The following CAMK1D variants were observed in gnomAD, a reference collection of about 807,000 sequenced individuals.
CAMK1D encodes the protein calcium/calmodulin-dependent protein kinase type 1D.
In CAMK1D, 9 loss-of-function variants were observed where a neutral mutation model predicts 47.7. The observed-to-expected ratio is 0.19, with a 90% CI of 0.11 to 0.33. The LOEUF (loss-of-function observed/expected upper bound fraction) is 0.33, where lower values mean the gene tolerates loss of function less well. CAMK1D is among the 10% of genes least tolerant of loss of function. The pLI is 1.00. For synonymous variants in CAMK1D, 184 were observed against 184.9 expected, an observed-to-expected ratio of 0.99 and a Z score of 0.04; for missense variants, 291 against 488.7, an observed-to-expected ratio of 0.60 and a Z score of 3.81.
intron 2 of CAMK1D, among the ~76,000 whole-genome samples, chr10:12,652,395 C>G (rs1239213293): frequency 1.4e-5 from 2 of 141,208 alleles, no homozygotes; most frequent in Non-Finnish European, 3.0e-5. Context: ...TCCTGGCTAA[C>G]ACGGTGAAAC....
chr10:12,427,716 T>TTGTTTTTTTTTTG (rs1840296615), intron 1 of CAMK1D, among the ~76,000 whole-genome samples: 1 of 119,506 alleles, frequency 8.4e-6, no homozygotes, highest in African/African-American at 3.1e-5. Flanking sequence ...TTTTTTTTTT[T>TTGTTTTTTTTTTG]TTTTTTTTTG....
chr10:12,581,897 G>C (rs571361682), intron 2 of CAMK1D, among the ~76,000 whole-genome samples: 16 of 152,230 alleles, frequency 1.1e-4, no homozygotes, highest in Non-Finnish European at 1.9e-4. Context: ...GTTTAATCAA[G>C]TCCCATCTAT....
At position 12,711,552 on chromosome 10, in the gene CAMK1D, T is replaced by G. The variant is rs114811607; in HGVS notation, c.299+44742T>G. On this transcript the variant is annotated intron_variant, in intron 3 of 10. Transcript: ENST00000619168. ...AGAGTATGGAGATCCTAAAATCATCTGCCAGGGTATTTGCTGCTTCTTGGT... is the reference window on the plus strand; with the variant it reads ...AGAGTATGGAGATCCTAAAATCATCGGCCAGGGTATTTGCTGCTTCTTGGT... Among the ~76,000 whole-genome samples, 579 of 152,336 alleles carry G rather than the reference T, an allele frequency of 3.8e-3. 5 individuals are homozygous for G. Among genetic ancestry groups the G allele is most frequent in the African/African-American group, 0.013 (521 of 41,584 alleles).
At chr10:12,611,750 C>A (rs1456770602) in intron 2 of CAMK1D, among the ~76,000 whole-genome samples, 4 of 151,914 alleles carry the variant, frequency 2.6e-5, no homozygotes, top group Non-Finnish European at 5.9e-5. Context: ...TGCCACCACG[C>A]CCAGCTAATT....
At chr10:12,782,285 A>T (rs1333141320) in intron 5 of CAMK1D, among the ~76,000 whole-genome samples, 1 of 151,894 alleles carries the variant, frequency 6.6e-6, no homozygotes, top group East Asian at 1.9e-4. Context: ...CATTGTCTTA[A>T]TTTTTTCTTT....
intron 2 of CAMK1D, among the ~76,000 whole-genome samples, chr10:12,625,030 T>G (rs2132451048): frequency 1.3e-5 from 2 of 151,940 alleles, no homozygotes; most frequent in Middle Eastern, 6.8e-3. Flanking sequence ...TCCTTTCTTC[T>G]TCTTCTTTCG....
chr10:12,360,234 G>T (rs1224650943), intron 1 of CAMK1D, among the ~76,000 whole-genome samples: 13 of 152,302 alleles, frequency 8.5e-5, no homozygotes, highest in Admixed American at 8.5e-4. Context: ...TGCTGTAAAT[G>T]GAATCCTAAA....
intron 1 of CAMK1D, among the ~76,000 whole-genome samples, chr10:12,457,506 G>A (rs374728838): frequency 2.0e-5 from 3 of 152,110 alleles, no homozygotes; most frequent in Admixed American, 6.5e-5. Context: ...AAAGCTGGGC[G>A]GCCGGGCGCA....
intron 3 of CAMK1D, among the ~76,000 whole-genome samples, chr10:12,721,383 C>T (rs1045345155): frequency 1.3e-5 from 2 of 152,176 alleles, no homozygotes; most frequent in Non-Finnish European, 2.9e-5. Flanking sequence ...GATTTAATCA[C>T]AGGAAATGTA....
At chr10:12,807,871 A>T (rs906094000) in intron 6 of CAMK1D, among the ~76,000 whole-genome samples, 1 of 152,070 alleles carries the variant, frequency 6.6e-6, no homozygotes, top group African/African-American at 2.4e-5. Context: ...AACCCGCCAC[A>T]TCTCTGCTGC....
chr10:12,711,837 G>A (rs1187748627), intron 3 of CAMK1D, among the ~76,000 whole-genome samples: 2 of 152,144 alleles, frequency 1.3e-5, no homozygotes, highest in Non-Finnish European at 2.9e-5. Context: ...ATGATCAAAC[G>A]TTCGTTTTTC....
chr10:12,714,787 C>CAT (rs967889595), intron 3 of CAMK1D, among the ~76,000 whole-genome samples: 10 of 151,552 alleles, frequency 6.6e-5, no homozygotes, highest in Non-Finnish European at 1.3e-4. Context: ...CACACACACA[C>CAT]ACACACACAC....
At chr10:12,639,559 A>T (rs560010918) in intron 2 of CAMK1D, among the ~76,000 whole-genome samples, 43 of 152,052 alleles carry the variant, frequency 2.8e-4, no homozygotes, top group Admixed American at 6.5e-4. Flanking sequence ...TTTTTTTTTT[A>T]AATTTAATTT....
chr10:12,427,700 G>GTTTTTTTGTTTTTTTTTTTT (rs1290974363), intron 1 of CAMK1D, among the ~76,000 whole-genome samples: 2 of 31,030 alleles, frequency 6.4e-5, no homozygotes, highest in Admixed American at 5.0e-4. Context: ...TGAACTTACT[G>GTTTTTTTGTTTTTTTTTTTT]TTTTTTTTTT....
At chr10:12,473,449 CTG>C (rs1833809734) in intron 1 of CAMK1D, among the ~76,000 whole-genome samples, 1 of 152,020 alleles carries the variant, frequency 6.6e-6, no homozygotes, top group African/African-American at 2.4e-5. Context: ...GAAAAAAAAA[CTG>C]TAACAATAAT....
intron 1 of CAMK1D, among the ~76,000 whole-genome samples, chr10:12,487,426 A>C (rs1306509963): frequency 6.6e-6 from 1 of 152,216 alleles, no homozygotes; most frequent in African/African-American, 2.4e-5. Flanking sequence ...TGATCAATTC[A>C]CAAGGCTTAT....
At chr10:12,531,218 A>G (rs1835795503) in intron 1 of CAMK1D, among the ~76,000 whole-genome samples, 1 of 152,186 alleles carries the variant, frequency 6.6e-6, no homozygotes, top group Non-Finnish European at 1.5e-5. Flanking sequence ...TTGAGTTTTC[A>G]TGGAGAGACC....
chr10:12,722,115 A>T (rs896276243), intron 3 of CAMK1D, among the ~76,000 whole-genome samples: 9 of 151,976 alleles, frequency 5.9e-5, no homozygotes, highest in Non-Finnish European at 1.3e-4. Context: ...GGATTTCAGT[A>T]TATGCATTTT....
At chr10:12,477,471 TGG>T (rs1833935449) in intron 1 of CAMK1D, among the ~76,000 whole-genome samples, 1 of 152,148 alleles carries the variant, frequency 6.6e-6, no homozygotes, top group Non-Finnish European at 1.5e-5. Flanking sequence ...CTGAGATGAC[TGG>T]GGAAGACGAA....
Sources: gnomAD v4.1 joint callset for allele counts (sites outside exome capture counted in the v4.1 genomes callset) on GRCh38, gnomAD v4.1.1 for gene constraint, MANE v1.5 for transcripts, NCBI Gene and HGNC (gene_info 2026-07-23, HGNC 2026-07-21) for gene names.